Variants in MTCL2 observed in about 807,000 individuals in gnomAD.
The protein encoded by MTCL2 is microtubule cross-linking factor 2.
At chr20:36,794,586 A>G in the MTCL2 span, 1 of 1,614,030 alleles carries the variant, frequency 6.2e-7, no homozygotes, top group African/African-American at 1.3e-5. This position sits in a 1 kb window ranked among gnomAD's most constrained non-coding sequence, Gnocchi z 5.4. Context: ...GACATGGAAG[A>G]AACAGATTTG....
At chr20:36,836,563 C>T in the MTCL2 span, among the ~76,000 whole-genome samples, 1 of 151,882 alleles carries the variant, frequency 6.6e-6, no homozygotes, top group Non-Finnish European at 1.5e-5. Context: ...AGGCTGGTCT[C>T]GAACTCCTGA....
At chr20:36,786,363 G>A in the MTCL2 span, 2 of 1,355,668 alleles carry the variant, frequency 1.5e-6, no homozygotes, top group East Asian at 2.7e-5. Flanking sequence ...CATCACTGCT[G>A]TCCCTCCAGG....
the MTCL2 span, among the ~76,000 whole-genome samples, chr20:36,806,361 T>C: frequency 2.6e-5 from 4 of 152,084 alleles, no homozygotes; most frequent in African/African-American, 7.2e-5. Context: ...CGAGTCACCT[T>C]CTGTGCTCAA....
At chr20:36,852,419 C>T in the MTCL2 span, among the ~76,000 whole-genome samples, 5 of 152,260 alleles carry the variant, frequency 3.3e-5, no homozygotes, top group Admixed American at 6.5e-5. Context: ...AGCCATCTGC[C>T]GTCCCTTCTG....
At chr20:36,808,624 C>T in the MTCL2 span, 11 of 1,612,466 alleles carry the variant, frequency 6.8e-6, no homozygotes, top group Admixed American at 8.4e-5. Context: ...ATTGCTGGGA[C>T]TCCTGCACCA....
the MTCL2 span, chr20:36,785,635 C>G: frequency 7.1e-6 from 7 of 985,272 alleles, no homozygotes; most frequent in Non-Finnish European, 8.4e-6. Flanking sequence ...CCTCTGAGAT[C>G]ACTTGAGATC....
chr20:36,854,899 G>A, the MTCL2 span, among the ~76,000 whole-genome samples: 1 of 152,112 alleles, frequency 6.6e-6, no homozygotes, highest in African/African-American at 2.4e-5. Flanking sequence ...GGGCCATTCA[G>A]GGAAGAGTGA....
chr20:36,817,265 TCA>T, the MTCL2 span: 1 of 582,318 alleles, frequency 1.7e-6, no homozygotes. Flanking sequence ...TGACTCCGTC[TCA>T]AAAAAAAAAA....
the MTCL2 span, among the ~76,000 whole-genome samples, chr20:36,843,677 C>T: frequency 2.6e-5 from 4 of 152,146 alleles, no homozygotes; most frequent in Non-Finnish European, 5.9e-5. Context: ...CTAGCCATGC[C>T]GGTTACCAGC....
At chr20:36,843,888 G>C in the MTCL2 span, among the ~76,000 whole-genome samples, 1 of 152,210 alleles carries the variant, frequency 6.6e-6, no homozygotes, top group East Asian at 1.9e-4. Context: ...CAGAGCACTA[G>C]AGTCATTTTT....
the MTCL2 span, among the ~76,000 whole-genome samples, chr20:36,809,066 T>C: frequency 6.6e-6 from 1 of 152,178 alleles, no homozygotes; most frequent in African/African-American, 2.4e-5. Context: ...TGAGCGATGA[T>C]AGCAGGGAGG....
chr20:36,819,520 A>G, the MTCL2 span, among the ~76,000 whole-genome samples: 1 of 151,870 alleles, frequency 6.6e-6, no homozygotes, highest in Non-Finnish European at 1.5e-5. Flanking sequence ...CAAATTCCAA[A>G]GAGTTGGTAG....
At chr20:36,802,989 A>C in the MTCL2 span, 1 of 1,594,810 alleles carries the variant, frequency 6.3e-7, no homozygotes, top group Non-Finnish European at 8.5e-7. Context: ...AGTCAGCTCC[A>C]TGACAGCGCT....
At chr20:36,816,156 G>T in the MTCL2 span, 1 of 1,613,686 alleles carries the variant, frequency 6.2e-7, no homozygotes, top group African/African-American at 1.3e-5. Flanking sequence ...GGCTGACAGC[G>T]CGCTGTCCAG....
the MTCL2 span, chr20:36,785,173 G>A: frequency 3.0e-6 from 3 of 985,440 alleles, no homozygotes; most frequent in African/African-American, 1.7e-5. Context: ...GTGTTGGGGT[G>A]CAGGGCTCCA....
the MTCL2 span, chr20:36,780,723 G>A: frequency 6.6e-6 from 1 of 152,202 alleles, no homozygotes; most frequent in Non-Finnish European, 1.5e-5. Flanking sequence ...TCACTTTACA[G>A]ATGGGGAAAC....
At chr20:36,786,312 C>T in the MTCL2 span, 14 of 1,308,872 alleles carry the variant, frequency 1.1e-5, no homozygotes, top group Non-Finnish European at 1.2e-5. Context: ...CAGCAGGAGA[C>T]CCGGCTTTAC....
the MTCL2 span, chr20:36,794,598 T>C: frequency 6.2e-7 from 1 of 1,614,014 alleles, no homozygotes; most frequent in Non-Finnish European, 8.5e-7. This position sits in a 1 kb window ranked among gnomAD's most constrained non-coding sequence, Gnocchi z 5.4. Flanking sequence ...ACAGATTTGG[T>C]TCTGCGAAGG....
At chr20:36,789,119 T>A in the MTCL2 span, among the ~76,000 whole-genome samples, 1 of 152,342 alleles carries the variant, frequency 6.6e-6, no homozygotes, top group South Asian at 2.1e-4. Flanking sequence ...ATAGGCTACC[T>A]TCGTAAAAGA....
Sources: allele counts gnomAD v4.1 joint callset (sites outside exome capture counted in the v4.1 genomes callset), GRCh38; gene constraint gnomAD v4.1.1; non-coding constraint Gnocchi (gnomAD v3.1); transcripts MANE v1.5; gene names NCBI Gene and HGNC (gene_info 2026-07-23, HGNC 2026-07-21).